Variants in LPP observed in about 807,000 individuals in gnomAD.
The protein encoded by LPP is LIM domain containing preferred translocation partner in lipoma, also known as lipoma-preferred partner.
Under a neutral mutation model 60.4 loss-of-function variants are expected in LPP, and 38 were observed. The ratio of observed to expected loss-of-function variants is 0.63; its 90% CI spans 0.49 to 0.83. The LOEUF (loss-of-function observed/expected upper bound fraction) is 0.83. Among genes scored for constraint, LPP ranks in the 40% least tolerant of loss-of-function variants. The pLI is 0.00. For synonymous variants in LPP, 328 were observed against 290.8 expected (o/e 1.13, Z -1.30); for missense variants, 902 against 783.6 (o/e 1.15, Z -1.80).
chr3:188,587,534 G>A (rs11925128), intron 6 of LPP, among the ~76,000 whole-genome samples: 11,045 of 151,984 alleles, frequency 0.073, 863 homozygotes, highest in East Asian at 0.35. Context: ...TATTATATAC[G>A]CCATACAATT....
chr3:188,630,366 G>C (rs1448155512), intron 7 of LPP, among the ~76,000 whole-genome samples: 3 of 152,150 alleles, frequency 2.0e-5, no homozygotes, highest in Non-Finnish European at 4.4e-5. Flanking sequence ...ATGAAAAAAT[G>C]CTCAACATCA....
At chr3:188,338,117 G>T (rs1480225985) in intron 2 of LPP, among the ~76,000 whole-genome samples, 1 of 152,216 alleles carries the variant, frequency 6.6e-6, no homozygotes, top group Non-Finnish European at 1.5e-5. Context: ...TCAACCAGAT[G>T]TCAGAAGATT....
chr3:188,683,737 G>A (rs188417603), intron 7 of LPP, among the ~76,000 whole-genome samples: 2 of 152,282 alleles, frequency 1.3e-5, no homozygotes, highest in East Asian at 1.9e-4. Context: ...TTGCGGGGTG[G>A]GGAGCATGAT....
chr3:188,503,489 A>G (rs1812523703), intron 5 of LPP, among the ~76,000 whole-genome samples: 2 of 152,288 alleles, frequency 1.3e-5, no homozygotes, highest in South Asian at 2.1e-4. Context: ...GTTAGCTCTT[A>G]TAAGCGTCTG....
At chr3:188,567,674 G>A (rs1186792038) in intron 6 of LPP, among the ~76,000 whole-genome samples, 1 of 151,904 alleles carries the variant, frequency 6.6e-6, no homozygotes, top group Non-Finnish European at 1.5e-5. Context: ...GTCCTATGAA[G>A]CAGATATACT....
chr3:188,523,014 TCTC>T (rs1384198471), intron 5 of LPP, among the ~76,000 whole-genome samples: 1 of 151,848 alleles, frequency 6.6e-6, no homozygotes, highest in Non-Finnish European at 1.5e-5. Flanking sequence ...CTCAAGCTAT[TCTC>T]CTGCCTCAGC....
chr3:188,733,760 T>C (rs1721503165), intron 8 of LPP, among the ~76,000 whole-genome samples: 1 of 150,204 alleles, frequency 6.7e-6, no homozygotes. Flanking sequence ...ATTAGGCTAC[T>C]GAAGTGTTTT....
intron 9 of LPP, among the ~76,000 whole-genome samples, chr3:188,804,243 T>TTTTATATA (rs1322626096): frequency 2.7e-4 from 10 of 37,712 alleles, no homozygotes; most frequent in African/African-American, 1.1e-3. Flanking sequence ...TAGTGCATCT[T>TTTTATATA]TATATATATA....
At chr3:188,421,968 C>T (rs1787931983) in intron 4 of LPP, among the ~76,000 whole-genome samples, 1 of 152,140 alleles carries the variant, frequency 6.6e-6, no homozygotes, top group Non-Finnish European at 1.5e-5. Context: ...GAAACTAGTT[C>T]TTCCCTCACT....
chr3:188,775,665 A>G (rs574885119), intron 9 of LPP, among the ~76,000 whole-genome samples: 1 of 152,348 alleles, frequency 6.6e-6, no homozygotes, highest in African/African-American at 2.4e-5. Flanking sequence ...AGCTGCTGGA[A>G]TAACGATGTG....
At chr3:188,633,578 A>AT (rs796775140) in intron 7 of LPP, among the ~76,000 whole-genome samples, 3 of 152,200 alleles carry the variant, frequency 2.0e-5, no homozygotes, top group African/African-American at 7.2e-5. Flanking sequence ...TCCCACAGTG[A>AT]TTTTTTTCCA....
At chr3:188,378,857 C>A (rs1287078961) in intron 3 of LPP, among the ~76,000 whole-genome samples, 3 of 152,178 alleles carry the variant, frequency 2.0e-5, no homozygotes, top group African/African-American at 4.8e-5. Flanking sequence ...CTTGGCTCCT[C>A]CTCCCTATGT....
At chr3:188,716,979 C>T (rs1157248271) in intron 8 of LPP, among the ~76,000 whole-genome samples, 1 of 152,148 alleles carries the variant, frequency 6.6e-6, no homozygotes, top group Non-Finnish European at 1.5e-5. Context: ...CTTTTTAAAG[C>T]ACTTTTCTAC....
intron 2 of LPP, among the ~76,000 whole-genome samples, chr3:188,314,532 C>G (rs1754459988): frequency 6.6e-6 from 1 of 151,712 alleles, no homozygotes; most frequent in South Asian, 2.1e-4. Context: ...TTGCTAGATC[C>G]TAGAGATCAT....
Position 188,216,409 on chromosome 3 carries a change from TAC to T in LPP, c.-189-8994_-189-8993del, listed in dbSNP as rs1025945461. ...CCTCAGCCTCCCGAGTAGCTAGGAC[TAC>T]AGGCACTTGCCACTACACCCCACTA... On this transcript the variant is annotated intron_variant, in intron 1 of 11. Coordinates refer to ENST00000617246, the MANE Select transcript of LPP (RefSeq NM_001375462.1). Among the ~76,000 whole-genome samples the T allele has an allele frequency of 4.6e-5, 7 of 151,934 alleles. No homozygotes were observed. In the East Asian group the frequency reaches 1.2e-3, roughly 25 times the overall value.
intron 9 of LPP, among the ~76,000 whole-genome samples, chr3:188,807,509 A>G (rs185614287): frequency 5.9e-5 from 9 of 152,074 alleles, no homozygotes; most frequent in African/African-American, 2.2e-4. Context: ...CTAACTACAT[A>G]CAGGCTTAAT....
chr3:188,796,702 C>T (rs951255105), intron 9 of LPP, among the ~76,000 whole-genome samples: 2 of 152,148 alleles, frequency 1.3e-5, no homozygotes, highest in African/African-American at 4.8e-5. Context: ...TCTGCATTTT[C>T]TACTACATGA....
chr3:188,508,549 G>A (rs1478774865), intron 5 of LPP, among the ~76,000 whole-genome samples: 2 of 152,178 alleles, frequency 1.3e-5, no homozygotes, highest in African/African-American at 4.8e-5. Context: ...CTCCAACAGG[G>A]TGCTATGAAT....
At chr3:188,438,508 C>T (rs1181522858) in intron 4 of LPP, among the ~76,000 whole-genome samples, 1 of 152,132 alleles carries the variant, frequency 6.6e-6, no homozygotes, top group East Asian at 1.9e-4. Context: ...CTTTGAGTCC[C>T]ATATTAAGTA....
Sources: allele counts gnomAD v4.1 joint callset (sites outside exome capture counted in the v4.1 genomes callset), GRCh38; gene constraint gnomAD v4.1.1; transcripts MANE v1.5; gene names NCBI Gene and HGNC (gene_info 2026-07-23, HGNC 2026-07-21).